Variants in ARHGAP42 observed in about 807,000 individuals in gnomAD.
ARHGAP42 encodes rho GTPase-activating protein 42.
In ARHGAP42, 63 loss-of-function variants were observed where a neutral mutation model predicts 125.0. That is an observed-to-expected ratio of 0.50 (90% confidence interval 0.41 to 0.62). ARHGAP42 has a LOEUF of 0.62. ARHGAP42 is among the 20% of genes least tolerant of loss of function. ARHGAP42 has a pLI of 0.00. For missense variants in ARHGAP42, 766 were observed against 1,024.2 expected (o/e 0.75, Z 3.44); for synonymous variants, 339 against 351.0 (o/e 0.97, Z 0.38).
chr11:100,932,536 A>G (rs640326), intron 6 of ARHGAP42, among the ~76,000 whole-genome samples: 47,549 of 152,102 alleles, frequency 0.31, 8,326 homozygotes, highest in East Asian at 0.75. Context: ...GGTTAAGATC[A>G]TAGAAATTAT....
In ARHGAP42 at chr11:100,949,884, G is replaced by A. The variant is rs1196761001; in HGVS notation, c.1123-33G>A. The stretch of plus-strand genomic sequence containing the variant: ...AATCTTTTGTGCTGGGTCATTAACT[G>A]GAAGTAACTAATGGACATCCTTTGT... On this transcript the variant is annotated intron_variant, in intron 11 of 23. Transcript: ENST00000298815. The A allele has an allele frequency of 2.9e-6, 4 of 1,391,340 alleles. 1 individual carries two copies. The highest frequency in any genetic ancestry group is 1.4e-5 in the South Asian group (1 of 70,772). The allele number at this position is 1,391,340 out of a possible 1,614,324, so 86.2% of individuals were successfully genotyped here.
intron 3 of ARHGAP42, among the ~76,000 whole-genome samples, chr11:100,856,754 A>G (rs1865331455): frequency 6.6e-6 from 1 of 152,140 alleles, no homozygotes; most frequent in African/African-American, 2.4e-5. Context: ...AAGACTGCTT[A>G]GGACAGTTAT....
At chr11:100,785,671 G>A (rs889719024) in intron 2 of ARHGAP42, among the ~76,000 whole-genome samples, 2 of 152,176 alleles carry the variant, frequency 1.3e-5, no homozygotes, top group Non-Finnish European at 2.9e-5. Context: ...GTTCCTGATG[G>A]CAGGAAACAT....
chr11:100,875,761 C>T (rs527476891), intron 4 of ARHGAP42, among the ~76,000 whole-genome samples: 6 of 151,684 alleles, frequency 4.0e-5, no homozygotes, highest in South Asian at 2.1e-4. Flanking sequence ...TCCAGGGTGG[C>T]GGGGGGTGAC....
At chr11:100,740,604 G>C (rs943142611) in intron 1 of ARHGAP42, among the ~76,000 whole-genome samples, 1 of 152,202 alleles carries the variant, frequency 6.6e-6, no homozygotes, top group Non-Finnish European at 1.5e-5. Flanking sequence ...GGAATGTGTA[G>C]AGGAAAAGTT....
chr11:100,883,620 G>T (rs1043484624), intron 4 of ARHGAP42, among the ~76,000 whole-genome samples: 14 of 152,280 alleles, frequency 9.2e-5, no homozygotes, highest in Middle Eastern at 3.4e-3. Flanking sequence ...TGGGATTACA[G>T]GTGTGAGCCA....
intron 3 of ARHGAP42, among the ~76,000 whole-genome samples, chr11:100,838,972 AATT>A (rs1432764369): frequency 2.0e-5 from 3 of 152,100 alleles, no homozygotes; most frequent in African/African-American, 7.2e-5. Flanking sequence ...GTCCCAATGA[AATT>A]ATAACTTTTT....
intron 4 of ARHGAP42, among the ~76,000 whole-genome samples, chr11:100,896,985 A>C (rs1378516093): frequency 6.6e-6 from 1 of 152,200 alleles, no homozygotes; most frequent in African/African-American, 2.4e-5. Flanking sequence ...CTAACATTTA[A>C]GTCTTTAATC....
chr11:100,838,089 T>C (rs1221750882), intron 3 of ARHGAP42, among the ~76,000 whole-genome samples: 4 of 151,980 alleles, frequency 2.6e-5, no homozygotes, highest in Non-Finnish European at 4.4e-5. Context: ...TTTTGTTTGT[T>C]TGTTTCCCAT....
intron 5 of ARHGAP42, among the ~76,000 whole-genome samples, chr11:100,920,522 A>G (rs1867208994): frequency 2.6e-5 from 4 of 152,160 alleles, no homozygotes; most frequent in African/African-American, 7.2e-5. Flanking sequence ...TACTCCAGAA[A>G]GCCCCTTCTT....
At position 100,900,002 on chromosome 11, in the gene ARHGAP42, C is replaced by T. The variant is rs150175085; in HGVS notation, c.385-13450C>T. 2.0e-3 allele frequency among the ~76,000 whole-genome samples: 300 copies of T among 152,116 alleles called. 2 individuals carry two copies. Among genetic ancestry groups the T allele is most frequent in the Middle Eastern group, 3.4e-3 (1 of 294 alleles). ...GATTGATGTAGTTTCTTCATAGCAT[C>T]GATGGTCTTTTCAATTTGGCATGTT... On this transcript the variant is annotated intron_variant, in intron 4 of 23. Transcript: ENST00000298815.
chr11:100,848,082 C>T (rs1865112573), intron 3 of ARHGAP42, among the ~76,000 whole-genome samples: 1 of 152,034 alleles, frequency 6.6e-6, no homozygotes, highest in Non-Finnish European at 1.5e-5. Flanking sequence ...CCTAGGTGCT[C>T]TCATGATGAC....
At chr11:100,976,460 C>T (rs1178007559) in intron 20 of ARHGAP42, 23 bp downstream of exon 20, 2 of 1,495,856 alleles carry the variant, frequency 1.3e-6, no homozygotes, top group South Asian at 1.4e-5. Context: ...GGAACTTGTG[C>T]AAGATGTCAT....
At chr11:100,808,450 C>G (rs12576919) in intron 3 of ARHGAP42, among the ~76,000 whole-genome samples, 61 of 140,394 alleles carry the variant, frequency 4.3e-4, no homozygotes, top group African/African-American at 1.6e-3. Context: ...CCAGGCCGGA[C>G]TGCGGACTGC....
chr11:100,706,196 A>G (rs1210933613), intron 1 of ARHGAP42, among the ~76,000 whole-genome samples: 1 of 152,106 alleles, frequency 6.6e-6, no homozygotes, highest in African/African-American at 2.4e-5. Context: ...TGATTTTGTA[A>G]ATAAAATGGT....
chr11:100,745,482 C>G (rs574864034), intron 1 of ARHGAP42, among the ~76,000 whole-genome samples: 15 of 152,256 alleles, frequency 9.9e-5, no homozygotes, highest in Admixed American at 7.8e-4. Context: ...ACACCTATTA[C>G]GGCTGTGAGG....
intron 1 of ARHGAP42, among the ~76,000 whole-genome samples, chr11:100,723,797 T>C (rs1669215526): frequency 6.6e-6 from 1 of 152,138 alleles, no homozygotes; most frequent in African/African-American, 2.4e-5. Flanking sequence ...TGATGCTGGA[T>C]TTGAGTGGTG....
chr11:100,973,253 A>G lies in ARHGAP42; in HGVS notation c.1629A>G (p.Ala543=), dbSNP rs1414393877. The G allele has an allele frequency of 6.4e-7, 1 of 1,551,090 alleles. No homozygotes were observed. The highest frequency in any genetic ancestry group is 1.4e-5 in the African/African-American group (1 of 73,030). ...GVIFGPTLMR[A]QEETVAAMMN... ...TATTTGGCCCAACTCTAATGAGAGC[A>G]CAGGAAGAAACTGTGGCTGCTATGA... is the stretch of plus-strand genomic sequence containing the variant. The change falls in exon 18 of 24, where the codon GCA becomes GCG. Residue 543 remains alanine (A), a synonymous_variant. Transcript: ENST00000298815.
intron 4 of ARHGAP42, among the ~76,000 whole-genome samples, chr11:100,910,266 C>T (rs1866874211): frequency 6.6e-6 from 1 of 152,120 alleles, no homozygotes; most frequent in South Asian, 2.1e-4. Context: ...TAAGTAACGG[C>T]AGCAACTATG....
Sources: allele counts gnomAD v4.1 joint callset (sites outside exome capture counted in the v4.1 genomes callset), GRCh38; gene constraint gnomAD v4.1.1; transcripts MANE v1.5; gene names NCBI Gene and HGNC (gene_info 2026-07-23, HGNC 2026-07-21).